Variants in PLCB1 observed in about 807,000 individuals in gnomAD.
PLCB1 encodes the protein phospholipase C beta 1.
In PLCB1, 46 loss-of-function variants were observed where a neutral mutation model predicts 161.8. That is an observed-to-expected ratio of 0.28 (90% confidence interval 0.22 to 0.36). PLCB1 has a LOEUF of 0.36. Among genes scored for constraint, PLCB1 ranks in the 10% least tolerant of loss-of-function variants. The probability of loss-of-function intolerance (pLI) is 1.00; values close to 1 mark genes in which losing one functional copy is unlikely to be tolerated. For synonymous variants in PLCB1, 517 were observed against 503.7 expected, an observed-to-expected ratio of 1.03 and a Z score of -0.35; for missense variants, 1,016 against 1,472.5, an observed-to-expected ratio of 0.69 and a Z score of 5.07.
At chr20:8,144,191 C>A (rs1312405169) in intron 1 of PLCB1, among the ~76,000 whole-genome samples, 1 of 152,244 alleles carries the variant, frequency 6.6e-6, no homozygotes, top group African/African-American at 2.4e-5. Flanking sequence ...TGGAGAAATG[C>A]AAATTAAAAA....
chr20:8,514,020 T>G (rs1169593187), intron 3 of PLCB1, among the ~76,000 whole-genome samples: 1 of 151,464 alleles, frequency 6.6e-6, no homozygotes, highest in African/African-American at 2.4e-5. Flanking sequence ...AGTCCCTGTC[T>G]CAAAAAAATC....
chr20:8,524,298 A>C (rs1328046214), intron 3 of PLCB1, among the ~76,000 whole-genome samples: 1 of 151,990 alleles, frequency 6.6e-6, no homozygotes, highest in Non-Finnish European at 1.5e-5. Context: ...AAAAAAATGA[A>C]CCTCCTGGGT....
chr20:8,662,421 A>C (rs112131600), intron 9 of PLCB1, among the ~76,000 whole-genome samples: 1 of 124,118 alleles, frequency 8.1e-6, no homozygotes, highest in African/African-American at 3.1e-5. Context: ...ATAATATATA[A>C]TTATTTATTA....
chr20:8,223,904 T>G (rs911727283), intron 2 of PLCB1, among the ~76,000 whole-genome samples: 46 of 152,188 alleles, frequency 3.0e-4, no homozygotes, highest in African/African-American at 1.1e-3. Flanking sequence ...AATTATGCAC[T>G]AGAAAGCACA....
chr20:8,402,706 G>A (rs1471396799), intron 3 of PLCB1, among the ~76,000 whole-genome samples: 1 of 151,452 alleles, frequency 6.6e-6, no homozygotes, highest in Non-Finnish European at 1.5e-5. Context: ...TTAGCCAGGC[G>A]TGGTGGTGGG....
chr20:8,567,688 A>G (rs2123041339), intron 3 of PLCB1, among the ~76,000 whole-genome samples: 1 of 152,204 alleles, frequency 6.6e-6, no homozygotes, highest in Middle Eastern at 3.4e-3. Context: ...GTGCCTGTGA[A>G]TAGCCACTGC....
chr20:8,544,900 T>TAA (rs1185615220), intron 3 of PLCB1, among the ~76,000 whole-genome samples: 1 of 152,168 alleles, frequency 6.6e-6, no homozygotes, highest in Non-Finnish European at 1.5e-5. Flanking sequence ...GTAACAAAAT[T>TAA]GAAAGTCACA....
At chr20:8,820,483 G>GCT (rs1985288722) in intron 31 of PLCB1, among the ~76,000 whole-genome samples, 1 of 152,130 alleles carries the variant, frequency 6.6e-6, no homozygotes, top group African/African-American at 2.4e-5. Context: ...ACAATATCAA[G>GCT]TGATTTGCAA....
At chr20:8,533,649 G>C in intron 3 of PLCB1, among the ~76,000 whole-genome samples, 1 of 150,384 alleles carries the variant, frequency 6.6e-6, no homozygotes, top group Non-Finnish European at 1.5e-5. Flanking sequence ...TTTTTTGGCT[G>C]CATAAATGTC....
chr20:8,557,147 C>G (rs943405983), intron 3 of PLCB1, among the ~76,000 whole-genome samples: 43 of 151,366 alleles, frequency 2.8e-4, no homozygotes, highest in Admixed American at 3.3e-4. Context: ...TGTATTTTTT[C>G]AAAAATAAAC....
intron 3 of PLCB1, among the ~76,000 whole-genome samples, chr20:8,446,625 G>C (rs965974790): frequency 5.3e-5 from 8 of 152,156 alleles, no homozygotes; most frequent in Non-Finnish European, 7.3e-5. Flanking sequence ...AATCGTCCCT[G>C]TTTGCAGATG....
intron 31 of PLCB1, among the ~76,000 whole-genome samples, chr20:8,833,258 G>C (rs976971044): frequency 6.6e-5 from 10 of 152,170 alleles, no homozygotes; most frequent in Admixed American, 2.0e-4. Flanking sequence ...CATGGCGGAA[G>C]GCAAAGGAAG....
intron 2 of PLCB1, among the ~76,000 whole-genome samples, chr20:8,199,246 C>T (rs1464418708): frequency 1.3e-5 from 2 of 152,016 alleles, no homozygotes; most frequent in Non-Finnish European, 2.9e-5. Context: ...ATGGAAATTT[C>T]GCCATTGTCG....
At chr20:8,631,915 A>C (rs898315358) in intron 4 of PLCB1, among the ~76,000 whole-genome samples, 1 of 152,240 alleles carries the variant, frequency 6.6e-6, no homozygotes, top group South Asian at 2.1e-4. Flanking sequence ...CAAATTTAAA[A>C]GTCAAGAAGA....
At chr20:8,818,638 A>T (rs554704061) in intron 31 of PLCB1, among the ~76,000 whole-genome samples, 6 of 152,368 alleles carry the variant, frequency 3.9e-5, no homozygotes, top group African/African-American at 1.4e-4. Context: ...AGAATAACTT[A>T]AAAAATATAT....
intron 3 of PLCB1, among the ~76,000 whole-genome samples, chr20:8,540,988 G>A (rs1256675557): frequency 6.6e-6 from 1 of 152,030 alleles, no homozygotes; most frequent in Non-Finnish European, 1.5e-5. Flanking sequence ...GCTCTCAGTG[G>A]CATGTGCACA....
intron 2 of PLCB1, among the ~76,000 whole-genome samples, chr20:8,360,322 G>A (rs1042590470): frequency 2.0e-5 from 3 of 152,010 alleles, no homozygotes; most frequent in Non-Finnish European, 4.4e-5. Flanking sequence ...GCTGGGGGAT[G>A]GGTGTCTAGC....
Position 8,132,802 on chromosome 20 carries a change from G to GA in PLCB1, c.99+52_99+53insA, listed in dbSNP as rs761768552. 2.9e-6 allele frequency: 4 copies of GA among 1,384,540 alleles called. No homozygotes were observed. The highest frequency in any genetic ancestry group is 4.1e-6 in the Non-Finnish European group (4 of 980,712). The allele number at this position is 1,384,540 out of a possible 1,614,324, so 85.8% of individuals were successfully genotyped here. On this transcript the variant is annotated intron_variant, in intron 1 of 31. Transcript: ENST00000338037. The surrounding 1 kb of genome is among the most constrained non-coding windows in gnomAD (Gnocchi z 5.2). ...GGCGCTGGCTCGGGCACCGGGCAGG[G>GA]CGGGCGTCGTGGGGGTGGGGCAAGG...
At chr20:8,722,835 C>T (rs1212145344) in intron 15 of PLCB1, among the ~76,000 whole-genome samples, 2 of 151,982 alleles carry the variant, frequency 1.3e-5, no homozygotes, top group Non-Finnish European at 2.9e-5. Flanking sequence ...AGACCTCACG[C>T]CTTTAAAAAA....
Sources: gnomAD v4.1 joint callset for allele counts (sites outside exome capture counted in the v4.1 genomes callset) on GRCh38, gnomAD v4.1.1 for gene constraint, Gnocchi (gnomAD v3.1) non-coding constraint, MANE v1.5 for transcripts, NCBI Gene and HGNC (gene_info 2026-07-23, HGNC 2026-07-21) for gene names.